IL18: variants seen among roughly 807,000 people sequenced by gnomAD.
IL18 encodes the protein interleukin 18.
A neutral mutation model predicts 14.2 loss-of-function variants in IL18; 8 were observed. That is an observed-to-expected ratio of 0.56 (90% CI 0.33 to 1.01). The LOEUF is 1.01. IL18 is among the 50% of genes least tolerant of loss of function. The pLI is 0.03. For missense variants in IL18, 166 were observed against 231.1 expected, an observed-to-expected ratio of 0.72 and a Z score of 1.83; for synonymous variants, 67 against 71.0, an observed-to-expected ratio of 0.94 and a Z score of 0.28.
At chr11:112,144,462 G>T (rs552288581) in intron 5 of IL18, among the ~76,000 whole-genome samples, 62 of 152,298 alleles carry the variant, frequency 4.1e-4, no homozygotes, top group African/African-American at 1.4e-3. Flanking sequence ...GCCTAGGCTG[G>T]TCCTGAACTC....
chr11:112,158,521 G>GTTTTTTTTTTTTTTTTTTTTTTT (rs71060226), intron 1 of IL18, among the ~76,000 whole-genome samples: 1 of 104,984 alleles, frequency 9.5e-6, no homozygotes. Context: ...TTTATTTGGA[G>GTTTTTTTTTTTTTTTTTTTTTTT]TTTTTTTTTT....
At chr11:112,160,949 C>G (rs1472937257) in intron 1 of IL18, among the ~76,000 whole-genome samples, 1 of 152,084 alleles carries the variant, frequency 6.6e-6, no homozygotes, top group Non-Finnish European at 1.5e-5. Context: ...CCCATTCCTC[C>G]TCTCCTCAAT....
intron 1 of IL18, among the ~76,000 whole-genome samples, chr11:112,159,651 T>C (rs1866596421): frequency 6.6e-6 from 1 of 152,200 alleles, no homozygotes; most frequent in Non-Finnish European, 1.5e-5. Flanking sequence ...TTTGTAAATC[T>C]GAGATGTGTC....
At chr11:112,151,338 C>A (rs1432008432) in intron 3 of IL18, among the ~76,000 whole-genome samples, 1 of 151,898 alleles carries the variant, frequency 6.6e-6, no homozygotes, top group Non-Finnish European at 1.5e-5. Flanking sequence ...AAAATATAAG[C>A]ATTTCTGTGT....
rs1866279392 is a variant in IL18, at chr11:112,143,432, C to T, written c.*164G>A. ...AGTAGCTGGGATTGAGGGCATGCGT[C>T]ACTACACTCAGCTAATTTTTTGTAT... On this transcript the variant is annotated 3_prime_UTR_variant, in exon 6 of 6. Coordinates refer to ENST00000280357, the MANE Select transcript of IL18 (RefSeq NM_001562.4). 5.4e-6 allele frequency: 3 copies of T among 552,204 alleles called. No individual in the cohort carries two copies. The highest frequency in any genetic ancestry group is 6.5e-6 in the Non-Finnish European group (2 of 309,386). The allele number at this position is 552,204 out of a possible 1,614,324, so 34.2% of individuals were successfully genotyped here.
At chr11:112,153,628 C>A in intron 2 of IL18, 25 bp from the exon 3 acceptor site, 4 of 1,523,866 alleles carry the variant, frequency 2.6e-6, no homozygotes, top group Non-Finnish European at 3.6e-6. Context: ...AAGAGAGAAA[C>A]AGAATATGTA....
chr11:112,150,082 A>C lies in IL18; in HGVS notation c.216T>G (p.Ser72=), dbSNP rs780550512. 2.9e-5 allele frequency: 46 copies of C among 1,598,358 alleles called. No homozygotes were observed. In the Admixed American group the frequency reaches 8.3e-4, roughly 29 times the overall value. Residue 72 remains serine, a synonymous_variant, in exon 4 of 6, where the codon TCT becomes TCG. Transcript: ENST00000280357. ...NRPLFEDMTD[S]DCRDNAPRTI... ...AATTAAAAAAAATACCTCTACAGTC[A>C]GAATCAGTCATATCTTCAAATAGAG...
chr11:112,154,401 C>CTGTA (rs1429272194), intron 2 of IL18, among the ~76,000 whole-genome samples: 1 of 151,832 alleles, frequency 6.6e-6, no homozygotes, highest in Non-Finnish European at 1.5e-5. Flanking sequence ...TGGGATGCAC[C>CTGTA]TGTAGTCCCA....
At chr11:112,159,244 C>T (rs888415832) in intron 1 of IL18, among the ~76,000 whole-genome samples, 11 of 151,824 alleles carry the variant, frequency 7.2e-5, no homozygotes, top group Admixed American at 1.3e-4. Flanking sequence ...CCCAGCTACT[C>T]GGGAGGGTGA....
intron 4 of IL18, among the ~76,000 whole-genome samples, chr11:112,149,433 T>C (rs1399674511): frequency 6.6e-6 from 1 of 152,066 alleles, no homozygotes; most frequent in African/African-American, 2.4e-5. Flanking sequence ...ATTTAAAATA[T>C]ATGTTAAGGT....
chr11:112,144,161 G>A (rs1191253466), intron 5 of IL18, among the ~76,000 whole-genome samples: 1 of 152,162 alleles, frequency 6.6e-6, no homozygotes, highest in Non-Finnish European at 1.5e-5. Context: ...GTCAATTTCT[G>A]TCCTCTATAA....
Position 112,153,607 on chromosome 11 carries a change from A to C in IL18, c.80-4T>G, listed in dbSNP as rs1348881988. ...TCTACTTTACCATCATCTTCAGCTA[A>C]GAGGGGGAAAAAGAGAGAAACAGAA... On this transcript the variant is annotated splice_polypyrimidine_tract_variant and splice_region_variant and intron_variant, in intron 2 of 5. Transcript: ENST00000280357. 3 of 1,553,268 alleles carry C rather than the reference A, an allele frequency of 1.9e-6. No homozygotes were observed. The highest frequency in any genetic ancestry group is 2.6e-6 in the Non-Finnish European group (3 of 1,139,748).
At position 112,145,670 on chromosome 11, in the gene IL18, C is replaced by G. The variant is rs376988185; in HGVS notation, c.361-1853G>C. Among the ~76,000 whole-genome samples, 5 of 151,714 alleles carry G rather than the reference C, an allele frequency of 3.3e-5. No individual in the cohort carries two copies. The East Asian group carries it at 9.7e-4, about 29-fold the overall frequency. On this transcript the variant is annotated intron_variant, in intron 5 of 5. Transcript: ENST00000280357. Reference sequence around the variant, plus strand: ...AGGAGAATGGCGTGAACCCGGGAGGCAGAGCTTGCAGTGAGCTGAGATCGT... The same window carrying G: ...AGGAGAATGGCGTGAACCCGGGAGGGAGAGCTTGCAGTGAGCTGAGATCGT...
intron 1 of IL18, among the ~76,000 whole-genome samples, chr11:112,158,748 A>G (rs559935180): frequency 5.3e-5 from 8 of 151,934 alleles, no homozygotes; most frequent in Non-Finnish European, 1.2e-4. Flanking sequence ...ACAGTTTATA[A>G]CTCATTTGAC....
intron 1 of IL18, among the ~76,000 whole-genome samples, chr11:112,157,572 G>C (rs1174520661): frequency 6.6e-6 from 1 of 152,170 alleles, no homozygotes; most frequent in Non-Finnish European, 1.5e-5. Flanking sequence ...TGACGTAAGA[G>C]CTGAATTTAC....
chr11:112,161,754 C>T (rs1437483185), intron 1 of IL18, among the ~76,000 whole-genome samples: 3 of 152,128 alleles, frequency 2.0e-5, no homozygotes, highest in African/African-American at 4.8e-5. Context: ...GAGCCGAGTT[C>T]GTGCCACTGC....
In IL18 at chr11:112,155,980, A is replaced by G. The variant is rs360722; in HGVS notation, c.-8-919T>C. 0.82 allele frequency among the ~76,000 whole-genome samples: 124,393 copies of G among 152,182 alleles called. 51,456 individuals are homozygous for G. The highest frequency in any genetic ancestry group is 0.9 in the South Asian group (4,361 of 4,830). On this transcript the variant is annotated intron_variant, in intron 1 of 5. Coordinates refer to ENST00000280357, the MANE Select transcript of IL18 (RefSeq NM_001562.4). Reference sequence around the variant, plus strand: ...AATACCTATTTTCTGTTGTGCTACAATTATTGCAGAGATCTTGAGACATGG... The same window carrying G: ...AATACCTATTTTCTGTTGTGCTACAGTTATTGCAGAGATCTTGAGACATGG...
intron 2 of IL18, 26 bp from the exon 3 acceptor site, chr11:112,153,629 A>G: frequency 6.6e-7 from 1 of 1,521,086 alleles, no homozygotes; most frequent in South Asian, 1.2e-5. Context: ...AGAGAGAAAC[A>G]GAATATGTAA....
chr11:112,153,399 T>C (rs1347272003), intron 3 of IL18, 193 bp downstream of exon 3: 1 of 419,986 alleles, frequency 2.4e-6, no homozygotes, highest in Admixed American at 4.3e-5. Context: ...AAGCATCTTT[T>C]GCTAGAGGTT....
Sources: allele counts gnomAD v4.1 joint callset (sites outside exome capture counted in the v4.1 genomes callset), GRCh38; gene constraint gnomAD v4.1.1; transcripts MANE v1.5; gene names NCBI Gene and HGNC (gene_info 2026-07-23, HGNC 2026-07-21).